PPFIBP2: variants seen among roughly 807,000 people sequenced by gnomAD.
PPFIBP2 encodes the protein liprin-beta-2.
A neutral mutation model predicts 118.3 loss-of-function variants in PPFIBP2; 118 were observed. The ratio of observed to expected loss-of-function variants is 1.00; its 90% CI spans 0.86 to 1.16. The LOEUF (loss-of-function observed/expected upper bound fraction) is 1.16. PPFIBP2 is among the 50% of genes most tolerant of loss of function. PPFIBP2 has a pLI of 0.00. For synonymous variants in PPFIBP2, 414 were observed against 397.4 expected, an observed-to-expected ratio of 1.04 and a Z score of -0.50; for missense variants, 1,195 against 1,073.1, an observed-to-expected ratio of 1.11 and a Z score of -1.59.
At chr11:7,651,918 T>G in intron 23 of PPFIBP2, 74 bp downstream of exon 23, 1 of 1,379,414 alleles carries the variant, frequency 7.2e-7, no homozygotes, top group Non-Finnish European at 1.0e-6. Flanking sequence ...CCTGGCGCGA[T>G]GCCCACAGCC....
intron 15 of PPFIBP2, chr11:7,640,902 T>C (rs868196067): frequency 1.5e-6 from 1 of 686,576 alleles, no homozygotes; most frequent in African/African-American, 1.9e-5. Flanking sequence ...TTTTTCTTTC[T>C]GTTTGAGTTT....
chr11:7,664,812 C>A, the PPFIBP2 span, among the ~76,000 whole-genome samples: 2 of 151,226 alleles, frequency 1.3e-5, no homozygotes, highest in Non-Finnish European at 2.9e-5. Flanking sequence ...TCCCTCCCCC[C>A]CACCCCGACA....
Position 7,610,342 on chromosome 11 carries a change from G to T in PPFIBP2, c.538G>T (p.Glu180Ter). The T allele has an allele frequency of 6.2e-7, 1 of 1,614,188 alleles. No homozygotes were observed. The highest frequency in any genetic ancestry group is 8.5e-7 in the Non-Finnish European group (1 of 1,180,002). ...GACCCAGAAGCTCGATCTGATGACTGAAGTGTCTGAGCTGAAGCTCAAGCT... is the reference window on the plus strand; with the variant it reads ...GACCCAGAAGCTCGATCTGATGACTTAAGTGTCTGAGCTGAAGCTCAAGCT... The part of the protein sequence containing the change: ...LETQKLDLMT[E>*]VSELKLKLVG... Residue 180 changes from glutamate to a stop codon, truncating the protein, a stop_gained, in exon 6 of 24, where the codon GAA becomes TAA. Coordinates refer to ENST00000299492, the MANE Select transcript of PPFIBP2 (RefSeq NM_003621.5). LOFTEE classifies it high-confidence loss of function.
At chr11:7,641,335 G>T in intron 15 of PPFIBP2, 144 bp from the exon 16 acceptor site, 1 of 928,314 alleles carries the variant, frequency 1.1e-6, no homozygotes, top group South Asian at 1.7e-5. Flanking sequence ...TAGTCTCTGG[G>T]ATCTTGGTAT....
chr11:7,625,389 G>C (rs1849857309), intron 7 of PPFIBP2, among the ~76,000 whole-genome samples: 1 of 148,950 alleles, frequency 6.7e-6, no homozygotes, highest in African/African-American at 2.6e-5. Context: ...GTTACTGTAT[G>C]AGTGAGTATC....
At chr11:7,643,332 G>A (rs1351106667) in intron 17 of PPFIBP2, among the ~76,000 whole-genome samples, 2 of 152,156 alleles carry the variant, frequency 1.3e-5, no homozygotes, top group African/African-American at 4.8e-5. Context: ...TCTAGAAGGG[G>A]AATCATTGGG....
At chr11:7,577,328 T>TGCGTGCATGTATGTGCGTGTGTGTGTGC (rs139232467) in intron 3 of PPFIBP2, 1 of 281,316 alleles carries the variant, frequency 3.6e-6, no homozygotes, top group Non-Finnish European at 7.1e-6. Flanking sequence ...TGCGTGTGTG[T>TGCGTGCATGTATGTGCGTGTGTGTGTGC]GTGTGTGTGT....
the PPFIBP2 span, chr11:7,666,143 T>A: frequency 1.7e-6 from 1 of 604,110 alleles, no homozygotes; most frequent in East Asian, 2.8e-5. Flanking sequence ...ATTAGATGTG[T>A]ATGTGATGGC....
At position 7,639,824 on chromosome 11, in the gene PPFIBP2, C is replaced by T; in HGVS notation, c.1329C>T (p.Pro443=). Residue 443 remains proline (P), a synonymous_variant, in exon 15 of 24, where the codon CCC becomes CCT. Transcript: ENST00000299492. ...TPNGEAAKSP[P]TICQPDATGS... ...ATGGAGAGGCTGCCAAATCTCCTCC[C>T]ACCATCTGCCAGCCTGACGCCACGG... is the stretch of plus-strand genomic sequence containing the variant. The T allele has an allele frequency of 6.2e-7, 1 of 1,614,228 alleles. No homozygotes were observed. Among genetic ancestry groups the T allele is most frequent in the Non-Finnish European group, 8.5e-7 (1 of 1,180,030 alleles).
intron 3 of PPFIBP2, among the ~76,000 whole-genome samples, chr11:7,575,894 G>A (rs1856256221): frequency 6.6e-6 from 1 of 152,222 alleles, no homozygotes; most frequent in Admixed American, 6.5e-5. Flanking sequence ...TCAGCGCATG[G>A]GCAGCAAAGC....
At chr11:7,538,509 G>A (rs1001350079) in intron 1 of PPFIBP2, among the ~76,000 whole-genome samples, 3 of 152,160 alleles carry the variant, frequency 2.0e-5, no homozygotes, top group African/African-American at 7.2e-5. Context: ...AGAAGGGCTC[G>A]AGCTTTTTGG....
intron 5 of PPFIBP2, 59 bp from the exon 6 acceptor site, chr11:7,610,232 C>T: frequency 6.4e-7 from 1 of 1,568,098 alleles, no homozygotes; most frequent in Non-Finnish European, 8.8e-7. Context: ...GTAAATGAAG[C>T]CAGAGCTGTT....
In PPFIBP2 at chr11:7,649,132, T is replaced by A. The variant is rs1853588749; in HGVS notation, c.1910-15T>A. ...CTCATGAATCCTGACACATCTGGGG[T>A]TTTTGTATTTGTAGGGTGGCTTGAT... On this transcript the variant is annotated splice_polypyrimidine_tract_variant and intron_variant, in intron 19 of 23. Transcript: ENST00000299492. 1 of 1,609,120 alleles carries A rather than the reference T, an allele frequency of 6.2e-7. No individual in the cohort carries two copies. Among genetic ancestry groups the A allele is most frequent in the African/African-American group, 1.3e-5 (1 of 74,806 alleles).
At chr11:7,666,486 A>G in the PPFIBP2 span, 1 of 1,613,466 alleles carries the variant, frequency 6.2e-7, no homozygotes, top group Non-Finnish European at 8.5e-7. Flanking sequence ...CCACAGGTTG[A>G]ACTGGTCTGG....
At chr11:7,544,417 C>T (rs1329701832) in intron 1 of PPFIBP2, among the ~76,000 whole-genome samples, 1 of 152,128 alleles carries the variant, frequency 6.6e-6, no homozygotes, top group Non-Finnish European at 1.5e-5. Context: ...ATTGTTGATT[C>T]CTCTGTTGTC....
At chr11:7,589,665 G>A (rs1262456976) in intron 3 of PPFIBP2, among the ~76,000 whole-genome samples, 1 of 151,892 alleles carries the variant, frequency 6.6e-6, no homozygotes, top group Non-Finnish European at 1.5e-5. Context: ...GAATTTGATT[G>A]GACTTTCTTC....
chr11:7,571,165 T>C (rs1855610194), intron 3 of PPFIBP2, among the ~76,000 whole-genome samples: 1 of 152,210 alleles, frequency 6.6e-6, no homozygotes, highest in African/African-American at 2.4e-5. Flanking sequence ...TCACCTCTGA[T>C]AGCCCAGCAG....
chr11:7,579,342 A>G (rs577332225), intron 3 of PPFIBP2, among the ~76,000 whole-genome samples: 3 of 152,356 alleles, frequency 2.0e-5, no homozygotes, highest in East Asian at 3.9e-4. Flanking sequence ...TTTAGAACCC[A>G]GCAGAAATCC....
chr11:7,657,742 G>A (rs773886652), downstream of PPFIBP2, among the ~76,000 whole-genome samples: 7 of 152,304 alleles, frequency 4.6e-5, no homozygotes, highest in Non-Finnish European at 8.8e-5. Context: ...GCACGGCAAA[G>A]AGACCATCTC....
Sources: gnomAD v4.1 joint callset for allele counts (sites outside exome capture counted in the v4.1 genomes callset) on GRCh38, gnomAD v4.1.1 for gene constraint, MANE v1.5 for transcripts, NCBI Gene and HGNC (gene_info 2026-07-23, HGNC 2026-07-21) for gene names.